The following CSDE1 variants were observed in gnomAD, a reference collection of about 807,000 sequenced individuals.
CSDE1 encodes cold shock domain containing E1, also known as cold shock domain-containing protein E1.
Under a neutral mutation model 89.3 loss-of-function variants are expected in CSDE1, and 17 were observed. That is an observed-to-expected ratio of 0.19 (90% CI 0.13 to 0.29). The LOEUF (loss-of-function observed/expected upper bound fraction) is 0.29. Among genes scored for constraint, CSDE1 ranks in the 10% least tolerant of loss-of-function variants. The pLI, the probability that CSDE1 is intolerant of heterozygous loss-of-function variation, is 1.00. For synonymous variants in CSDE1, 322 were observed against 332.8 expected (o/e 0.97, Z 0.35); for missense variants, 672 against 984.2 (o/e 0.68, Z 4.24).
chr1:114,741,624 G>A lies in CSDE1; in HGVS notation c.1-1734C>T, dbSNP rs1202861279. On this transcript the variant is annotated intron_variant, in intron 2 of 19. Transcript: ENST00000358528. The stretch of plus-strand genomic sequence containing the variant: ...AGAAAGTGAAGGAGGGGCTGCAGGA[G>A]AGGGATGAGGATCTGATGACACAGT... 4.5e-6 allele frequency: 7 copies of A among 1,548,622 alleles called. No homozygotes were observed. In the East Asian group the frequency reaches 1.5e-4, roughly 32 times the overall value.
chr1:114,720,292 C>T (rs1321300473), intron 17 of CSDE1: 10 of 390,518 alleles, frequency 2.6e-5, no homozygotes, highest in Non-Finnish European at 4.1e-5. Flanking sequence ...AATCTCACCC[C>T]TAACTTATTT....
intron 12 of CSDE1, 142 bp downstream of exon 12, chr1:114,730,116 C>T (rs1451845773): frequency 1.1e-6 from 1 of 913,554 alleles, no homozygotes. Flanking sequence ...AGAAACCTTA[C>T]TTTGTTTAGT....
intron 1 of CSDE1, among the ~76,000 whole-genome samples, chr1:114,755,110 T>C (rs1047625867): frequency 6.6e-6 from 1 of 151,048 alleles, no homozygotes; most frequent in Non-Finnish European, 1.5e-5. Flanking sequence ...AAATTGACAC[T>C]GTTACATTCC....
chr1:114,732,241 C>T (rs1660143751), intron 10 of CSDE1, among the ~76,000 whole-genome samples: 1 of 152,012 alleles, frequency 6.6e-6, no homozygotes, highest in Non-Finnish European at 1.5e-5. Flanking sequence ...AATTGTGTTT[C>T]CTAAAAACAG....
In CSDE1 at chr1:114,753,824, G is replaced by A. The variant is rs566079184; in HGVS notation, c.-387-3617C>T. ...CCAGCTACTCGGGAAGCTGAGGCAG[G>A]AGGATCACTTGAATCCAGGAGTTTG... On this transcript the variant is annotated intron_variant, in intron 1 of 19. Coordinates refer to ENST00000358528, the MANE Select transcript of CSDE1 (RefSeq NM_001007553.3). Among the ~76,000 whole-genome samples the A allele has an allele frequency of 9.2e-5, 14 of 152,256 alleles. No homozygotes were observed. In the South Asian group the frequency reaches 2.9e-3, roughly 32 times the overall value.
intron 2 of CSDE1, among the ~76,000 whole-genome samples, chr1:114,749,018 C>T (rs546077543): frequency 1.3e-5 from 2 of 152,316 alleles, no homozygotes; most frequent in Non-Finnish European, 2.9e-5. Context: ...ATTCTCTACT[C>T]TGTTCATAAT....
At chr1:114,747,305 G>C (rs1661064051) in intron 2 of CSDE1, among the ~76,000 whole-genome samples, 1 of 152,100 alleles carries the variant, frequency 6.6e-6, no homozygotes, top group Non-Finnish European at 1.5e-5. Flanking sequence ...TACCAAATCT[G>C]TTTTCTTAGC....
intron 6 of CSDE1, 120 bp from the exon 7 acceptor site, chr1:114,734,643 A>C: frequency 1.5e-6 from 1 of 687,732 alleles, no homozygotes; most frequent in Non-Finnish European, 2.5e-6. Flanking sequence ...TATCATCACT[A>C]AGAATAAATA....
At chr1:114,751,347 C>G (rs754322544) in intron 1 of CSDE1, among the ~76,000 whole-genome samples, 2 of 152,076 alleles carry the variant, frequency 1.3e-5, no homozygotes, top group South Asian at 2.1e-4. Flanking sequence ...AAAAGGTGTA[C>G]GTGCTGAGAA....
At position 114,726,291 on chromosome 1, in the gene CSDE1, C is replaced by T; in HGVS notation, c.1560G>A (p.Leu520=). 6.2e-7 allele frequency: 1 copy of T among 1,613,626 alleles called. No homozygotes were observed. The highest frequency in any genetic ancestry group is 1.1e-5 in the South Asian group (1 of 90,898). Residue 520 remains leucine, a synonymous_variant, in exon 14 of 20, where the codon TTG becomes TTA. Coordinates refer to ENST00000358528, the MANE Select transcript of CSDE1 (RefSeq NM_001007553.3). ...TATCCTTCAGAGTTGCCACATAACCCAAGAGCCTCTTGGAGTTAGAATTAC... is the reference window on the plus strand; with the variant it reads ...TATCCTTCAGAGTTGCCACATAACCTAAGAGCCTCTTGGAGTTAGAATTAC... ...LGRNSNSKRL[L]GYVATLKDNF...
chr1:114,734,733 AATAT>A (rs139403594), intron 6 of CSDE1, among the ~76,000 whole-genome samples: 1 of 152,230 alleles, frequency 6.6e-6, no homozygotes, highest in African/African-American at 2.4e-5. Context: ...ACGTTTGGCA[AATAT>A]ATATATAGGT....
chr1:114,740,459 T>C (rs1660663388), intron 2 of CSDE1, among the ~76,000 whole-genome samples: 2 of 152,340 alleles, frequency 1.3e-5, no homozygotes, highest in South Asian at 2.1e-4. Context: ...AATGAAAGAC[T>C]ATCCAAAATA....
chr1:114,723,710 G>A (rs1024532894), intron 16 of CSDE1, among the ~76,000 whole-genome samples, 173 bp downstream of exon 16: 5 of 152,146 alleles, frequency 3.3e-5, no homozygotes, highest in Non-Finnish European at 7.3e-5. Context: ...AACCCAGACT[G>A]ACCTCATTTT....
At position 114,725,234 on chromosome 1, in the gene CSDE1, G is replaced by C; in HGVS notation, c.1740C>G (p.Asn580Lys). 6.2e-7 allele frequency: 1 copy of C among 1,613,846 alleles called. No homozygotes were observed. Among genetic ancestry groups the C allele is most frequent in the African/African-American group, 1.3e-5 (1 of 75,018 alleles). The change falls in exon 15 of 20, where the codon AAC becomes AAG. Residue 580 changes from asparagine to lysine, a missense_variant. This residue lies in a region of CSDE1 where 206 missense variants were observed against 332.4 expected (regional missense o/e 0.62). Transcript: ENST00000358528. ...KGNKVSAEKV[N>K]KTHSVNGITE... is the part of the protein sequence containing the mutation. ...ACAATTTATTACCTGAGTGTGTTTT[G>C]TTCACTTTTTCTGCACTGACTTTGT... is the stretch of plus-strand genomic sequence containing the variant.
chr1:114,732,799 T>C lies in CSDE1; in HGVS notation c.855A>G (p.Gly285=). 6.2e-7 allele frequency: 1 copy of C among 1,614,180 alleles called. No individual in the cohort carries two copies. Among genetic ancestry groups the C allele is most frequent in the Non-Finnish European group, 8.5e-7 (1 of 1,180,008 alleles). Residue 285 remains glycine, a synonymous_variant, in exon 10 of 20, where the codon GGA becomes GGG. Coordinates refer to ENST00000358528, the MANE Select transcript of CSDE1 (RefSeq NM_001007553.3). ...PSKNQNDPLP[G]RIKVDFVIPK... The stretch of plus-strand genomic sequence containing the variant: ...GGATCACAAAGTCAACTTTGATGCG[T>C]CCTGGCAATGGGTCATTCTGATGAG...
At chr1:114,738,661 CTTTTTTTTTTTT>C (rs752985259) in intron 3 of CSDE1, among the ~76,000 whole-genome samples, 21 of 80,044 alleles carry the variant, frequency 2.6e-4, no homozygotes, top group East Asian at 1.3e-3. Context: ...CATGTAAAAA[CTTTTTTTTTTTT>C]TTTTTTTTTT....
In CSDE1 at chr1:114,718,157, TTGTGGA is replaced by T. The variant is rs1181709750; in HGVS notation, c.*6_*11del. On this transcript the variant is annotated 3_prime_UTR_variant, in exon 20 of 20. Transcript: ENST00000358528. ...GATCATAGTGGATTAATGGTGTGCT[TTGTGGA>T]TGTGGTTAGTCAATGACACCAGCTT... 6.2e-7 allele frequency: 1 copy of T among 1,613,970 alleles called. No homozygotes were observed. Among genetic ancestry groups the T allele is most frequent in the African/African-American group, 1.3e-5 (1 of 74,914 alleles).
intron 12 of CSDE1, among the ~76,000 whole-genome samples, chr1:114,728,667 A>AT (rs796432457): frequency 6.5e-4 from 99 of 152,286 alleles, no homozygotes; most frequent in African/African-American, 2.3e-3. Context: ...ACTGAAGTGT[A>AT]TTTTTATTTT....
chr1:114,727,714 T>C (rs1348595480), intron 12 of CSDE1: 1 of 152,146 alleles, frequency 6.6e-6, no homozygotes, highest in African/African-American at 2.4e-5. Context: ...TCTTAAAAAA[T>C]CTAAGGGCTG....
Sources: allele counts gnomAD v4.1 joint callset (sites outside exome capture counted in the v4.1 genomes callset), GRCh38; gene constraint gnomAD v4.1.1; regional missense constraint gnomAD v4.1.1; transcripts MANE v1.5; gene names NCBI Gene and HGNC (gene_info 2026-07-23, HGNC 2026-07-21).